Variants in PWWP3A observed in about 807,000 individuals in gnomAD.
PWWP3A encodes the protein PWWP domain containing 3A, DNA repair factor, also known as PWWP domain-containing DNA repair factor 3A.
In PWWP3A, 53 loss-of-function variants were observed where a neutral mutation model predicts 79.0. The ratio of observed to expected loss-of-function variants is 0.67; its 90% CI spans 0.54 to 0.84. The LOEUF is 0.84. Among genes scored for constraint, PWWP3A ranks in the 40% least tolerant of loss-of-function variants. PWWP3A has a pLI of 0.00. For synonymous variants in PWWP3A, 443 were observed against 394.4 expected (o/e 1.12, Z -1.46); for missense variants, 973 against 948.0 (o/e 1.03, Z -0.35).
intron 9 of PWWP3A, among the ~76,000 whole-genome samples, chr19:1,367,508 GCT>G: frequency 6.6e-6 from 1 of 152,352 alleles, no homozygotes; most frequent in East Asian, 1.9e-4. Context: ...ACCAGGCAAG[GCT>G]ACAGCAGAGA....
At chr19:1,358,721 G>A (rs749510815) in intron 4 of PWWP3A, 5 of 1,480,794 alleles carry the variant, frequency 3.4e-6, no homozygotes, top group South Asian at 2.4e-5. Context: ...AGGTCATCTC[G>A]TACCCCCGTG....
chr19:1,375,549 A>ACATAATTT lies in PWWP3A; in HGVS notation c.2076-970_2076-969insCATAATTT, dbSNP rs1568965428. ...ATAATTTATATATTTTATATATAAA[A>ACATAATTT]TATATATTATATATAAAATATATTA... On this transcript the variant is annotated intron_variant, in intron 13 of 13. Transcript: ENST00000591337. Among the ~76,000 whole-genome samples, 9 of 3,422 alleles carry ACATAATTT rather than the reference A, an allele frequency of 2.6e-3. No individual in the cohort carries two copies. In the South Asian group the frequency reaches 0.068, roughly 26 times the overall value. The allele number at this position is 3,422 out of a possible 152,430, so 2.2% of individuals were successfully genotyped here. A position where few individuals can be genotyped will look rare whatever the true frequency, so the allele number is the denominator to read the frequency against.
Position 1,369,767 on chromosome 19 carries a change from C to T in PWWP3A, c.1549+121C>T. Reference sequence around the variant, plus strand: ...GGTCAAGGCACTGTCCGCAGCCACACAGCATTGTTCAACCTCTATGAGGTT... The same window carrying T: ...GGTCAAGGCACTGTCCGCAGCCACATAGCATTGTTCAACCTCTATGAGGTT... On this transcript the variant is annotated intron_variant, in intron 11 of 13. Coordinates refer to ENST00000591337, the MANE Select transcript of PWWP3A (RefSeq NM_001369789.1). The surrounding 1 kb of genome is among the most constrained non-coding windows in gnomAD (Gnocchi z 4.0). The T allele has an allele frequency of 3.6e-6, 4 of 1,103,718 alleles. 1 individual carries two copies. Among genetic ancestry groups the T allele is most frequent in the South Asian group, 2.5e-5 (2 of 79,196 alleles). The allele number at this position is 1,103,718 out of a possible 1,614,324, so 68.4% of individuals were successfully genotyped here.
At chr19:1,371,481 G>GT (rs2082259198) in intron 12 of PWWP3A, 1 of 684,808 alleles carries the variant, frequency 1.5e-6, no homozygotes, top group Non-Finnish European at 2.7e-6. Context: ...TTGAAAAACT[G>GT]TAAGTGGATA....
At chr19:1,371,237 T>C (rs2082252741) in intron 12 of PWWP3A, 159 bp downstream of exon 12, 1 of 847,934 alleles carries the variant, frequency 1.2e-6, no homozygotes, top group Admixed American at 2.0e-5. Flanking sequence ...CTGTCAGTGC[T>C]GGGAAATGCG....
chr19:1,367,701 G>C (rs2082159245), intron 9 of PWWP3A, among the ~76,000 whole-genome samples: 1 of 152,240 alleles, frequency 6.6e-6, no homozygotes, highest in Non-Finnish European at 1.5e-5. Context: ...TCTTGCTGCA[G>C]AGTGGCTTCC....
chr19:1,362,408 G>A (rs569883291), intron 6 of PWWP3A, 57 bp downstream of exon 6: 82 of 1,423,274 alleles, frequency 5.8e-5, no homozygotes, highest in South Asian at 4.1e-4. Context: ...AGGCAGCGGC[G>A]GCGGGGCTCC....
Position 1,369,134 on chromosome 19 carries a change from A to G in PWWP3A, c.1423-131A>G, listed in dbSNP as rs1381092811. On this transcript the variant is annotated intron_variant, in intron 9 of 13. Transcript: ENST00000591337. This position sits in a 1 kb window ranked among gnomAD's most constrained non-coding sequence, Gnocchi z 4.0. ...TCTGCCAGAGCCCCCTTTGTCAGGG[A>G]GGGTCAGAGGTGCGGGCTGGAGCGT... The G allele has an allele frequency of 8.2e-6, 6 of 732,886 alleles. No homozygotes were observed. In the East Asian group the frequency reaches 1.4e-4, roughly 17 times the overall value. 45.4% of individuals were successfully genotyped at this position (732,886 alleles called of 1,614,324 possible).
intron 4 of PWWP3A, 168 bp from the exon 5 acceptor site, chr19:1,359,968 C>T (rs1254997621): frequency 9.2e-6 from 6 of 653,070 alleles, no homozygotes; most frequent in South Asian, 3.5e-5. Flanking sequence ...TCTGTAGCCT[C>T]GTCTCCTTTT....
chr19:1,355,485 AC>A (rs1407168471), intron 1 of PWWP3A, among the ~76,000 whole-genome samples: 1 of 5,930 alleles, frequency 1.7e-4, no homozygotes, highest in African/African-American at 2.7e-4. Flanking sequence ...TGGATTCCCC[AC>A]CCCCAACCGT....
chr19:1,376,556 C>T lies in PWWP3A; in HGVS notation c.2113C>T (p.Arg705Trp), dbSNP rs756248803. The change falls in exon 14 of 14, where the codon CGG (arginine) becomes TGG (tryptophan). Residue 705 changes from arginine to tryptophan, a missense_variant. Coordinates refer to ENST00000591337, the MANE Select transcript of PWWP3A (RefSeq NM_001369789.1). The part of the protein sequence containing the change: ...EIFDNQLLEE[R>W]NRRRR ...ATTTGACAACCAGCTCCTTGAAGAG[C>T]GGAACCGGCGCCGTCGGTGAGGGAG... 2.2e-5 allele frequency: 36 copies of T among 1,613,424 alleles called. No homozygotes were observed. The highest frequency in any genetic ancestry group is 2.5e-5 in the Non-Finnish European group (30 of 1,179,852).
At chr19:1,375,489 A>AATTTATATATATTAT (rs2082348250) in intron 13 of PWWP3A, among the ~76,000 whole-genome samples, 2 of 130,166 alleles carry the variant, frequency 1.5e-5, no homozygotes, top group Non-Finnish European at 3.2e-5. Context: ...TATTATATAA[A>AATTTATATATATTAT]ATATATAAAT....
At chr19:1,355,575 C>A (rs538220119) in intron 1 of PWWP3A, among the ~76,000 whole-genome samples, 1 of 145,254 alleles carries the variant, frequency 6.9e-6, no homozygotes, top group African/African-American at 2.6e-5. Context: ...TGAGCCCCCC[C>A]GCTTCTGCTG....
chr19:1,358,220 C>G (rs878918964), intron 3 of PWWP3A, 174 bp from the exon 4 acceptor site: 3 of 512,382 alleles, frequency 5.9e-6, no homozygotes, highest in Middle Eastern at 3.4e-4. Flanking sequence ...CACCAGGGTT[C>G]TTGCTGCCTG....
intron 12 of PWWP3A, chr19:1,372,805 C>T (rs112723466): frequency 1.6e-3 from 624 of 392,664 alleles, no homozygotes; most frequent in Admixed American, 2.7e-3. Context: ...GAGAAATGCT[C>T]TTGTGGGTTT....
In PWWP3A at chr19:1,357,102, G is replaced by A. The variant is rs761003607; in HGVS notation, c.143+8G>A. The A allele has an allele frequency of 5.6e-5, 90 of 1,596,144 alleles. No homozygotes were observed. Among genetic ancestry groups the A allele is most frequent in the Admixed American group, 1.7e-5 (1 of 57,862 alleles). ...CCTCTCTCTAGAGGAAAAGTTAAGT[G>A]TTGTGTTGTTTTAATACTGTTTTTT... On this transcript the variant is annotated splice_region_variant and intron_variant, in intron 3 of 13. Transcript: ENST00000591337.
Position 1,357,376 on chromosome 19 carries a change from T to C in PWWP3A, c.143+282T>C, listed in dbSNP as rs563496140. On this transcript the variant is annotated intron_variant, in intron 3 of 13. Coordinates refer to ENST00000591337, the MANE Select transcript of PWWP3A (RefSeq NM_001369789.1). Reference sequence around the variant, plus strand: ...AATTATACTCAGGGTAGACCCTATTTGTGGTTAAAATAGGGATATTTCCTT... The same window carrying C: ...AATTATACTCAGGGTAGACCCTATTCGTGGTTAAAATAGGGATATTTCCTT... 4.4e-5 allele frequency: 11 copies of C among 251,706 alleles called. No individual in the cohort carries two copies. In the South Asian group the frequency reaches 1.2e-3, roughly 27 times the overall value. The allele number at this position is 251,706 out of a possible 1,614,324, so 15.6% of individuals were successfully genotyped here.
chr19:1,357,956 C>G (rs1889452188), intron 3 of PWWP3A: 1 of 168,602 alleles, frequency 5.9e-6, no homozygotes, highest in Non-Finnish European at 1.3e-5. Context: ...CTAGCTCACA[C>G]TTTCCCTGCG....
At chr19:1,372,472 C>CT (rs1227567271) in intron 12 of PWWP3A, 4 of 151,610 alleles carry the variant, frequency 2.6e-5, no homozygotes, top group African/African-American at 9.7e-5. Flanking sequence ...TAACAATAAA[C>CT]TTAAGGCCGG....
Sources: gnomAD v4.1 joint callset for allele counts (sites outside exome capture counted in the v4.1 genomes callset) on GRCh38, gnomAD v4.1.1 for gene constraint, Gnocchi (gnomAD v3.1) non-coding constraint, MANE v1.5 for transcripts, NCBI Gene and HGNC (gene_info 2026-07-23, HGNC 2026-07-21) for gene names.